PXDNL: variants seen among roughly 807,000 people sequenced by gnomAD.
PXDNL encodes probable oxidoreductase PXDNL.
In PXDNL, 145 loss-of-function variants were observed where a neutral mutation model predicts 150.8. The observed-to-expected ratio is 0.96, with a 90% CI of 0.84 to 1.10. The LOEUF (loss-of-function observed/expected upper bound fraction) is 1.10. Ranked by LOEUF, PXDNL falls within the 50% of genes least tolerant of loss-of-function variation. The pLI is 0.00. For synonymous variants in PXDNL, 757 were observed against 725.7 expected, an observed-to-expected ratio of 1.04 and a Z score of -0.69; for missense variants, 2,087 against 1,873.9, an observed-to-expected ratio of 1.11 and a Z score of -2.10.
chr8:51,426,623 T>C (rs772313407), intron 13 of PXDNL, 23 bp downstream of exon 13: 3 of 1,303,706 alleles, frequency 2.3e-6, no homozygotes, highest in Admixed American at 1.9e-5. Context: ...TTAATATTAC[T>C]GTACTTTTAG....
At chr8:51,428,482 T>G (rs1277447227) in intron 12 of PXDNL, among the ~76,000 whole-genome samples, 1 of 152,176 alleles carries the variant, frequency 6.6e-6, no homozygotes, top group Non-Finnish European at 1.5e-5. Flanking sequence ...GCTGCAGTAA[T>G]CAAGACTGTG....
intron 19 of PXDNL, among the ~76,000 whole-genome samples, chr8:51,352,570 G>C (rs918088634): frequency 1.3e-5 from 2 of 152,094 alleles, no homozygotes; most frequent in African/African-American, 4.8e-5. Context: ...CTTCCCCTTT[G>C]CTCTCTCTTC....
At chr8:51,404,196 G>C (rs549979619) in intron 17 of PXDNL, among the ~76,000 whole-genome samples, 11 of 152,194 alleles carry the variant, frequency 7.2e-5, no homozygotes, top group African/African-American at 2.7e-4. Flanking sequence ...AATATTTATC[G>C]CAAAGAGCGA....
chr8:51,718,600 C>G (rs1816663195), intron 1 of PXDNL, among the ~76,000 whole-genome samples: 1 of 152,212 alleles, frequency 6.6e-6, no homozygotes, highest in Non-Finnish European at 1.5e-5. Flanking sequence ...TCATTGCTTA[C>G]TAGTCACATT....
chr8:51,663,082 C>T (rs575399597), intron 1 of PXDNL, among the ~76,000 whole-genome samples: 19 of 152,328 alleles, frequency 1.2e-4, no homozygotes, highest in African/African-American at 4.6e-4. Flanking sequence ...CACACCGTTT[C>T]AAGGCAGGTG....
At chr8:51,694,295 G>A (rs541988149) in intron 1 of PXDNL, among the ~76,000 whole-genome samples, 9 of 152,238 alleles carry the variant, frequency 5.9e-5, no homozygotes, top group African/African-American at 1.7e-4. Context: ...TCCAGGAGGC[G>A]GAGGTTGCAC....
chr8:51,754,396 C>T (rs1214195622), intron 1 of PXDNL, among the ~76,000 whole-genome samples: 2 of 152,122 alleles, frequency 1.3e-5, no homozygotes, highest in African/African-American at 2.4e-5. Flanking sequence ...GAGGCAGCCC[C>T]GATGAGAAGC....
chr8:51,689,247 G>T (rs1340151216), intron 1 of PXDNL, among the ~76,000 whole-genome samples: 1 of 152,082 alleles, frequency 6.6e-6, no homozygotes, highest in Non-Finnish European at 1.5e-5. Context: ...AAGCAACCAT[G>T]CTGTCAGCTT....
chr8:51,449,325 A>G (rs1314893529), intron 10 of PXDNL, among the ~76,000 whole-genome samples: 1 of 152,250 alleles, frequency 6.6e-6, no homozygotes, highest in Non-Finnish European at 1.5e-5. Context: ...CTGGTCTGCA[A>G]AGCAAAACAG....
intron 4 of PXDNL, among the ~76,000 whole-genome samples, chr8:51,534,252 C>T (rs1328279963): frequency 3.6e-5 from 5 of 139,406 alleles, no homozygotes; most frequent in Admixed American, 1.3e-4. Context: ...GCCTGGCAAC[C>T]GCCCCGTCTG....
intron 3 of PXDNL, among the ~76,000 whole-genome samples, chr8:51,567,463 T>A (rs1167291675): frequency 6.6e-6 from 1 of 151,888 alleles, no homozygotes. Context: ...TGCACATACA[T>A]TAAGGATTGC....
At chr8:51,759,476 G>A (rs2037138447) in intron 1 of PXDNL, among the ~76,000 whole-genome samples, 1 of 152,148 alleles carries the variant, frequency 6.6e-6, no homozygotes, top group African/African-American at 2.4e-5. Context: ...CCCGATTTGA[G>A]TGTGAGAGCC....
chr8:51,735,497 A>G (rs1160891397), intron 1 of PXDNL, among the ~76,000 whole-genome samples: 3 of 150,848 alleles, frequency 2.0e-5, no homozygotes, highest in Non-Finnish European at 2.9e-5. Flanking sequence ...AAAAATAAAT[A>G]AATAAAATTA....
At chr8:51,554,291 A>AT (rs766154686) in intron 4 of PXDNL, among the ~76,000 whole-genome samples, 304 of 151,986 alleles carry the variant, frequency 2.0e-3, no homozygotes, top group Non-Finnish European at 2.3e-3. Context: ...GTGAATGCTG[A>AT]TTTTTTTTCA....
chr8:51,736,816 A>G (rs11985113), intron 1 of PXDNL, among the ~76,000 whole-genome samples: 1 of 152,196 alleles, frequency 6.6e-6, no homozygotes, highest in Non-Finnish European at 1.5e-5. Context: ...CTGAAATCTT[A>G]ATTTTAATGA....
rs200652211 is a variant in PXDNL at position 51,452,924 on chromosome 8, G to A, written c.1249+595C>T. On this transcript the variant is annotated intron_variant, in intron 10 of 22. Transcript: ENST00000356297. ...GGCACACATGCACACACACACAAAC[G>A]CACACACACAAACACACACACACAC... Among the ~76,000 whole-genome samples the A allele has an allele frequency of 3.7e-3, 228 of 61,280 alleles. 1 individual carries two copies. Among genetic ancestry groups the A allele is most frequent in the African/African-American group, 9.5e-3 (208 of 21,948 alleles). The allele number at this position is 61,280 out of a possible 152,430, so 40.2% of individuals were successfully genotyped here.
In PXDNL at chr8:51,484,869, C is replaced by T. The variant is rs151273197; in HGVS notation, c.453-1155G>A. Reference sequence around the variant, plus strand: ...GCACCAGCCAGGGATTGTCTAGTCACCAGGACTACTGAATACATATTTGGC... The same window carrying T: ...GCACCAGCCAGGGATTGTCTAGTCATCAGGACTACTGAATACATATTTGGC... On this transcript the variant is annotated intron_variant, in intron 5 of 22. Coordinates refer to ENST00000356297, the MANE Select transcript of PXDNL (RefSeq NM_144651.5). Among the ~76,000 whole-genome samples, 1,257 of 152,252 alleles carry T rather than the reference C, an allele frequency of 8.3e-3. 9 individuals are homozygous for T. The highest frequency in any genetic ancestry group is 0.027 in the Middle Eastern group (8 of 294).
intron 4 of PXDNL, among the ~76,000 whole-genome samples, chr8:51,502,947 ATG>A (rs903070356): frequency 2.6e-5 from 4 of 152,130 alleles, no homozygotes; most frequent in Non-Finnish European, 4.4e-5. Context: ...CTTAGCTACT[ATG>A]TGTTTTATTA....
At chr8:51,367,007 A>G (rs1166537320) in intron 19 of PXDNL, among the ~76,000 whole-genome samples, 1 of 145,722 alleles carries the variant, frequency 6.9e-6, no homozygotes, top group Non-Finnish European at 1.5e-5. Flanking sequence ...AGGCTGAGGC[A>G]GGGGAATCGC....
Sources: gnomAD v4.1 joint callset for allele counts (sites outside exome capture counted in the v4.1 genomes callset) on GRCh38, gnomAD v4.1.1 for gene constraint, MANE v1.5 for transcripts, NCBI Gene and HGNC (gene_info 2026-07-23, HGNC 2026-07-21) for gene names.